GRM7: variants seen among roughly 807,000 people sequenced by gnomAD.
GRM7 encodes the protein metabotropic glutamate receptor 7.
A neutral mutation model predicts 84.5 loss-of-function variants in GRM7; 35 were observed. That is an observed-to-expected ratio of 0.41 (90% CI 0.32 to 0.55). The LOEUF (loss-of-function observed/expected upper bound fraction) is 0.55. Among genes scored for constraint, GRM7 ranks in the 20% least tolerant of loss-of-function variants. GRM7 has a pLI of 0.19. For synonymous variants in GRM7, 487 were observed against 455.1 expected, an observed-to-expected ratio of 1.07 and a Z score of -0.89; for missense variants, 1,003 against 1,194.6, an observed-to-expected ratio of 0.84 and a Z score of 2.36.
At chr3:7,248,475 G>T (rs1003622253) in intron 2 of GRM7, among the ~76,000 whole-genome samples, 1 of 152,176 alleles carries the variant, frequency 6.6e-6, no homozygotes, top group African/African-American at 2.4e-5. Context: ...GGTTAACTAA[G>T]AAAGGGACTT....
intron 7 of GRM7, among the ~76,000 whole-genome samples, chr3:7,488,354 T>C (rs771224489): frequency 5.9e-5 from 9 of 152,126 alleles, no homozygotes; most frequent in Non-Finnish European, 4.4e-5. Flanking sequence ...ACGGTTTGGA[T>C]ATGGTTTGTC....
At chr3:6,961,054 C>T (rs768104069) in intron 1 of GRM7, among the ~76,000 whole-genome samples, 22 of 152,146 alleles carry the variant, frequency 1.4e-4, no homozygotes, top group Admixed American at 2.6e-4. Context: ...TTACACTGAT[C>T]GTTTGCCCAA....
intron 1 of GRM7, among the ~76,000 whole-genome samples, chr3:7,072,250 T>A (rs1342957659): frequency 6.6e-6 from 1 of 152,176 alleles, no homozygotes; most frequent in Non-Finnish European, 1.5e-5. Context: ...ACAGTGGAGC[T>A]AGAAAGGACA....
intron 1 of GRM7, among the ~76,000 whole-genome samples, chr3:7,127,035 G>T (rs1053675780): frequency 6.6e-6 from 1 of 152,202 alleles, no homozygotes; most frequent in Non-Finnish European, 1.5e-5. Context: ...ATGAGCTCTT[G>T]ACTAGTAGCT....
chr3:7,373,707 T>A (rs1694230234), intron 4 of GRM7, among the ~76,000 whole-genome samples: 1 of 152,180 alleles, frequency 6.6e-6, no homozygotes, highest in African/African-American at 2.4e-5. Flanking sequence ...GACAGAAAAT[T>A]CTGCTCCAAG....
At chr3:7,172,469 G>A (rs1695013236) in intron 2 of GRM7, among the ~76,000 whole-genome samples, 1 of 151,950 alleles carries the variant, frequency 6.6e-6, no homozygotes, top group Non-Finnish European at 1.5e-5. Flanking sequence ...TTTGCTAGAA[G>A]CTTCCCAAAC....
At chr3:7,145,780 A>G (rs1161939581) in intron 1 of GRM7, among the ~76,000 whole-genome samples, 3 of 152,176 alleles carry the variant, frequency 2.0e-5, no homozygotes, top group Admixed American at 2.0e-4. Context: ...CCACTCAGAC[A>G]GTACTGCCAG....
At chr3:7,211,652 C>CAAAAA (rs370634134) in intron 2 of GRM7, among the ~76,000 whole-genome samples, 32,931 of 122,274 alleles carry the variant, frequency 0.27, 4,602 homozygotes, top group Middle Eastern at 0.38. Flanking sequence ...TTCTCCCAAC[C>CAAAAA]AAAAAAAAAA....
intron 1 of GRM7, chr3:6,884,087 AT>A (rs1695607373): frequency 6.6e-6 from 1 of 152,668 alleles, no homozygotes; most frequent in African/African-American, 2.4e-5. Context: ...TGTGCCATCC[AT>A]TGGTAAATAG....
chr3:7,425,040 T>C (rs116182716), intron 5 of GRM7, among the ~76,000 whole-genome samples: 4 of 152,158 alleles, frequency 2.6e-5, no homozygotes, highest in Middle Eastern at 3.2e-3. Context: ...TCATGCCTAG[T>C]TGCCTCCCAA....
At chr3:6,893,786 C>G (rs533545410) in intron 1 of GRM7, 5 of 152,252 alleles carry the variant, frequency 3.3e-5, no homozygotes, top group East Asian at 1.9e-4. Context: ...AACAATAACA[C>G]TAATAATTAT....
At chr3:7,147,490 T>C (rs1394949829) in intron 2 of GRM7, among the ~76,000 whole-genome samples, 2 of 152,132 alleles carry the variant, frequency 1.3e-5, no homozygotes, top group African/African-American at 4.8e-5. Context: ...CAATTTAAAG[T>C]GTTATTTACC....
intron 9 of GRM7, among the ~76,000 whole-genome samples, chr3:7,697,536 A>G (rs1701065699): frequency 6.6e-6 from 1 of 152,224 alleles, no homozygotes; most frequent in Non-Finnish European, 1.5e-5. Context: ...CAAGGAGAGA[A>G]CAACAAAAGT....
chr3:7,054,083 T>G (rs1574840628), intron 1 of GRM7, among the ~76,000 whole-genome samples: 1 of 150,984 alleles, frequency 6.6e-6, no homozygotes, highest in East Asian at 2.0e-4. Flanking sequence ...CTACTATAAG[T>G]ATTTTCATTT....
Position 6,927,463 on chromosome 3 carries a change from GAGAAAGAAAGAAAGAA to G in GRM7, c.519+65597_519+65612del, listed in dbSNP as rs796767040. On this transcript the variant is annotated intron_variant, in intron 1 of 9. Transcript: ENST00000357716. ...AAGAAAGAGAAGAAAGAAAGAGAGA[GAGAAAGAAAGAAAGAA>G]AGAAAGAAAGAAAGAAAGAAAGAAA... Among the ~76,000 whole-genome samples, 113 of 93,294 alleles carry G rather than the reference GAGAAAGAAAGAAAGAA, an allele frequency of 1.2e-3. No individual in the cohort carries two copies. In the South Asian group the frequency reaches 0.029, roughly 24 times the overall value. 61.2% of individuals were successfully genotyped at this position (93,294 alleles called of 152,430 possible).
intron 1 of GRM7, among the ~76,000 whole-genome samples, chr3:7,029,313 AAC>A (rs1411148781): frequency 1.8e-5 from 2 of 110,340 alleles, no homozygotes; most frequent in Admixed American, 8.8e-5. Flanking sequence ...AAAAAAAAAA[AAC>A]AAAAAAAAAA....
chr3:7,216,541 T>A (rs759821057), intron 2 of GRM7, among the ~76,000 whole-genome samples: 41 of 152,306 alleles, frequency 2.7e-4, no homozygotes, highest in Non-Finnish European at 5.4e-4. Flanking sequence ...CATAACAATT[T>A]GAGATTGCTT....
chr3:7,104,141 TTC>T (rs1043400781), intron 1 of GRM7, among the ~76,000 whole-genome samples: 1 of 150,658 alleles, frequency 6.6e-6, no homozygotes, highest in African/African-American at 2.4e-5. Flanking sequence ...GTGAGAAAAT[TTC>T]TCTCTCTCTC....
intron 1 of GRM7, among the ~76,000 whole-genome samples, chr3:6,872,070 T>C (rs1219794018): frequency 5.9e-5 from 9 of 152,028 alleles, no homozygotes; most frequent in Non-Finnish European, 1.5e-5. Flanking sequence ...GAGAAGAGTA[T>C]GGAAAGAGAC....
Sources: allele counts gnomAD v4.1 joint callset (sites outside exome capture counted in the v4.1 genomes callset), GRCh38; gene constraint gnomAD v4.1.1; transcripts MANE v1.5; gene names NCBI Gene and HGNC (gene_info 2026-07-23, HGNC 2026-07-21).